Variants in MTTP observed in about 807,000 individuals in gnomAD.
MTTP encodes the protein microsomal triglyceride transfer protein, also known as microsomal triglyceride transfer protein large subunit.
A neutral mutation model predicts 90.6 loss-of-function variants in MTTP; 49 were observed. That is an observed-to-expected ratio of 0.54 (90% confidence interval 0.43 to 0.69). MTTP has a LOEUF of 0.69. MTTP is among the 30% of genes least tolerant of loss of function. The probability of loss-of-function intolerance (pLI) is 0.00; values close to 1 mark genes in which losing one functional copy is unlikely to be tolerated. For synonymous variants in MTTP, 347 were observed against 384.2 expected (o/e 0.90, Z 1.13); for missense variants, 945 against 1,067.5 (o/e 0.89, Z 1.60).
At chr4:99,613,596 C>A (rs1726017663) in intron 15 of MTTP, among the ~76,000 whole-genome samples, 2 of 152,180 alleles carry the variant, frequency 1.3e-5, no homozygotes, top group Non-Finnish European at 2.9e-5. Context: ...GAGGCACAAG[C>A]AACCACGGCC....
chr4:99,590,450 C>T (rs1725387422), intron 4 of MTTP, among the ~76,000 whole-genome samples: 1 of 152,104 alleles, frequency 6.6e-6, no homozygotes, highest in Non-Finnish European at 1.5e-5. Context: ...TGTAGGGAAC[C>T]ACTGGTCTAT....
chr4:99,611,059 C>A, intron 12 of MTTP, 84 bp from the exon 13 acceptor site: 1 of 1,472,568 alleles, frequency 6.8e-7, no homozygotes, highest in Non-Finnish European at 9.5e-7. Flanking sequence ...CTTTTTTCCA[C>A]TGAGGATTTT....
At position 99,621,582 on chromosome 4, in the gene MTTP, A is replaced by C. The variant is rs561347158; in HGVS notation, c.2513+351A>C. 2.6e-5 allele frequency among the ~76,000 whole-genome samples: 4 copies of C among 152,278 alleles called. 1 individual carries two copies. Among genetic ancestry groups the C allele is most frequent in the Middle Eastern group, 6.8e-3 (2 of 292 alleles). ...ATTTACTGTCTGGTATCTTCACAAT[A>C]AACTGCTGGACAAAAGATTTCAAAT... On this transcript the variant is annotated intron_variant, in intron 17 of 17. Coordinates refer to ENST00000265517, the MANE Select transcript of MTTP (RefSeq NM_001386140.1).
chr4:99,578,131 T>C (rs1260078151), intron 1 of MTTP, among the ~76,000 whole-genome samples: 1 of 152,224 alleles, frequency 6.6e-6, no homozygotes, highest in East Asian at 1.9e-4. Context: ...TATCAGTGAT[T>C]GTACTCATAT....
At chr4:99,601,583 A>G (rs543815662) in intron 9 of MTTP, 24 bp from the exon 10 acceptor site, 17 of 1,501,778 alleles carry the variant, frequency 1.1e-5, no homozygotes, top group African/African-American at 2.8e-5. Flanking sequence ...TTGGTAACCT[A>G]TTTTATCCCT....
At chr4:99,575,873 GTAAT>G (rs1453995140) in intron 1 of MTTP, among the ~76,000 whole-genome samples, 2 of 152,290 alleles carry the variant, frequency 1.3e-5, no homozygotes, top group East Asian at 3.9e-4. Flanking sequence ...TGTACTCTAA[GTAAT>G]TGATAGAAAA....
chr4:99,608,947 A>G lies in MTTP; in HGVS notation c.1739A>G (p.Gln580Arg), dbSNP rs759774267. The G allele has an allele frequency of 6.2e-7, 1 of 1,614,052 alleles. No individual in the cohort carries two copies. Among genetic ancestry groups the G allele is most frequent in the Non-Finnish European group, 8.5e-7 (1 of 1,180,020 alleles). The change falls in exon 12 of 18, where the codon CAA (glutamine) becomes CGA (arginine). Residue 580 changes from glutamine to arginine, a missense_variant. Physicochemically the swap from Gln to Arg is conservative, Grantham distance 43 (BLOSUM62 1). Coordinates refer to ENST00000265517, the MANE Select transcript of MTTP (RefSeq NM_001386140.1). ...EMNKYMLAIVQDILRFEMPAS... is the reference protein window; with the variant it reads ...EMNKYMLAIVRDILRFEMPAS... ...AATAAATACATGCTCGCCATTGTTC[A>G]AGACATCCTACGTTTTGAAATGCCT...
At chr4:99,583,574 T>C in intron 3 of MTTP, 57 bp downstream of exon 3, 1 of 1,593,254 alleles carries the variant, frequency 6.3e-7, no homozygotes. Context: ...TTTCTTCCCT[T>C]CAGTAGATAT....
intron 1 of MTTP, among the ~76,000 whole-genome samples, chr4:99,577,500 G>GCC (rs1724993419): frequency 6.6e-6 from 1 of 151,652 alleles, no homozygotes; most frequent in Non-Finnish European, 1.5e-5. Flanking sequence ...AGCTACTCAG[G>GCC]AGGCTGAGGC....
rs754831170 is a variant in MTTP at position 99,613,147 on chromosome 4, C to A, written c.2217+7C>A. 8 of 1,607,088 alleles carry A rather than the reference C, an allele frequency of 5.0e-6. No individual in the cohort carries two copies. In the East Asian group the frequency reaches 1.8e-4, roughly 36 times the overall value. ...GCTAATAGATCATTCTCAGGTAATT[C>A]ATTCAGTCTGTGAGTATTTATTGAG... is the stretch of plus-strand genomic sequence containing the variant. On this transcript the variant is annotated splice_region_variant and intron_variant, in intron 15 of 17. Transcript: ENST00000265517.
At chr4:99,596,353 CGA>C (rs1387608840) in intron 7 of MTTP, among the ~76,000 whole-genome samples, 1 of 151,958 alleles carries the variant, frequency 6.6e-6, no homozygotes, top group Non-Finnish European at 1.5e-5. Context: ...GTTTCAAAGC[CGA>C]GAGATGCTGT....
intron 16 of MTTP, among the ~76,000 whole-genome samples, chr4:99,620,254 G>A (rs951941): frequency 0.032 from 4,945 of 152,252 alleles, 187 homozygotes; most frequent in East Asian, 0.19. Context: ...GTTTTAATTT[G>A]CGCAGCAAAA....
intron 1 of MTTP, among the ~76,000 whole-genome samples, chr4:99,575,228 A>G (rs969323669): frequency 6.6e-6 from 1 of 152,182 alleles, no homozygotes; most frequent in Non-Finnish European, 1.5e-5. Flanking sequence ...TCTTGCTTCA[A>G]TTTCTCATTC....
At chr4:99,600,979 C>T (rs903080990) in intron 9 of MTTP, among the ~76,000 whole-genome samples, 1 of 152,018 alleles carries the variant, frequency 6.6e-6, no homozygotes, top group African/African-American at 2.4e-5. Context: ...TTGTGTTCAC[C>T]TATCATGTTA....
rs143034509 is a variant in MTTP, at chr4:99,621,148, C to T, written c.2430C>T (p.Gly810=). Residue 810 remains glycine (G), a synonymous_variant, in exon 17 of 18, where the codon GGC becomes GGT. Coordinates refer to ENST00000265517, the MANE Select transcript of MTTP (RefSeq NM_001386140.1). Reference sequence around the variant, plus strand: ...AAACCAGTACAGAAACAGAAGCAGGCTTGGAGTTTATCTCCACAGTGCAGT... The same window carrying T: ...AAACCAGTACAGAAACAGAAGCAGGTTTGGAGTTTATCTCCACAGTGCAGT... The part of the protein sequence containing the change: ...GLETSTETEA[G]LEFISTVQFS... The T allele has an allele frequency of 2.5e-6, 4 of 1,614,030 alleles. No individual in the cohort carries two copies. Among genetic ancestry groups the T allele is most frequent in the Middle Eastern group, 1.6e-4 (1 of 6,062 alleles).
At chr4:99,585,906 G>A (rs1482821350) in intron 3 of MTTP, among the ~76,000 whole-genome samples, 2 of 152,112 alleles carry the variant, frequency 1.3e-5, no homozygotes, top group Non-Finnish European at 2.9e-5. Flanking sequence ...GGAAGTTTTG[G>A]CCATGTCACT....
intron 16 of MTTP, chr4:99,620,847 G>A: frequency 3.5e-6 from 2 of 575,776 alleles, no homozygotes; most frequent in Admixed American, 3.0e-5. Context: ...GAGAGCTCAG[G>A]GGAAGGGCAA....
At chr4:99,611,582 C>A in intron 14 of MTTP, 129 bp downstream of exon 14, 1 of 1,293,350 alleles carries the variant, frequency 7.7e-7, no homozygotes, top group Non-Finnish European at 1.1e-6. Context: ...TCATATTTTG[C>A]CCATGATTTC....
chr4:99,569,131 A>C (rs1212623644), intron 1 of MTTP, among the ~76,000 whole-genome samples: 3 of 152,286 alleles, frequency 2.0e-5, no homozygotes, highest in African/African-American at 7.2e-5. Flanking sequence ...ATAGAGATAA[A>C]TCATGTTGAT....
Sources: allele counts gnomAD v4.1 joint callset (sites outside exome capture counted in the v4.1 genomes callset), GRCh38; gene constraint gnomAD v4.1.1; transcripts MANE v1.5; gene names NCBI Gene and HGNC (gene_info 2026-07-23, HGNC 2026-07-21).